GALNTL6: variants seen among roughly 807,000 people sequenced by gnomAD.
The protein encoded by GALNTL6 is polypeptide N-acetylgalactosaminyltransferase like 6.
GALNTL6 carries 46 observed loss-of-function variants against 73.7 expected under a neutral mutation model. That is an observed-to-expected ratio of 0.62 (90% CI 0.49 to 0.80). GALNTL6 has a LOEUF of 0.80. GALNTL6 is among the 30% of genes least tolerant of loss of function. The pLI, the probability that GALNTL6 is intolerant of heterozygous loss-of-function variation, is 0.00. For missense variants in GALNTL6, 604 were observed against 755.0 expected (o/e 0.80, Z 2.34); for synonymous variants, 259 against 263.7 (o/e 0.98, Z 0.17).
At chr4:172,727,200 T>C (rs1275716069) in intron 5 of GALNTL6, among the ~76,000 whole-genome samples, 1 of 152,190 alleles carries the variant, frequency 6.6e-6, no homozygotes, top group East Asian at 1.9e-4. Flanking sequence ...TGTGTGCCCA[T>C]AGAAAAACCT....
intron 2 of GALNTL6, among the ~76,000 whole-genome samples, chr4:172,131,428 T>TAC (rs35699070): frequency 1.5e-3 from 205 of 138,964 alleles, no homozygotes; most frequent in African/African-American, 5.1e-3. Flanking sequence ...TATATATATA[T>TAC]ACACACACAC....
chr4:171,945,706 A>G (rs1738681585), intron 2 of GALNTL6, among the ~76,000 whole-genome samples: 1 of 152,154 alleles, frequency 6.6e-6, no homozygotes, highest in African/African-American at 2.4e-5. Context: ...GAGCTTATAA[A>G]ACATGCATAC....
chr4:172,021,985 A>G (rs938247059), intron 2 of GALNTL6, among the ~76,000 whole-genome samples: 5 of 152,048 alleles, frequency 3.3e-5, no homozygotes, highest in Admixed American at 1.3e-4. Context: ...TGAAACTACT[A>G]AAAGAAAATA....
At chr4:171,854,297 G>GC (rs1156266677) in intron 2 of GALNTL6, among the ~76,000 whole-genome samples, 12 of 152,208 alleles carry the variant, frequency 7.9e-5, no homozygotes, top group Middle Eastern at 3.4e-3. Flanking sequence ...AATGCTAATG[G>GC]CTATGCTCTC....
chr4:171,943,680 C>G (rs1302655846), intron 2 of GALNTL6, among the ~76,000 whole-genome samples: 1 of 152,150 alleles, frequency 6.6e-6, no homozygotes, highest in Admixed American at 6.6e-5. Context: ...GGTCTTCTTG[C>G]TCTCAACCAT....
chr4:172,429,568 C>G (rs760455572), intron 5 of GALNTL6, among the ~76,000 whole-genome samples: 4 of 152,140 alleles, frequency 2.6e-5, no homozygotes, highest in Non-Finnish European at 5.9e-5. Flanking sequence ...AAAACTAGAG[C>G]ATAGCAGACA....
At chr4:172,103,012 C>T (rs1383360835) in intron 2 of GALNTL6, among the ~76,000 whole-genome samples, 1 of 152,130 alleles carries the variant, frequency 6.6e-6, no homozygotes, top group Non-Finnish European at 1.5e-5. Context: ...CTGGTCAAGG[C>T]CTAAGATAAG....
chr4:172,876,095 C>T (rs1354053014), intron 7 of GALNTL6, among the ~76,000 whole-genome samples: 1 of 152,188 alleles, frequency 6.6e-6, no homozygotes, highest in Non-Finnish European at 1.5e-5. Flanking sequence ...ATAATTGGTA[C>T]TGACATACAC....
At chr4:172,870,837 C>T (rs190000803) in intron 7 of GALNTL6, among the ~76,000 whole-genome samples, 47 of 152,280 alleles carry the variant, frequency 3.1e-4, no homozygotes, top group Non-Finnish European at 6.2e-4. Flanking sequence ...AAAGTACTTA[C>T]TCAGAAAGTG....
chr4:171,885,056 CAAAAAAAAA>C (rs1484845704), intron 2 of GALNTL6, among the ~76,000 whole-genome samples: 1 of 139,862 alleles, frequency 7.1e-6, no homozygotes, highest in Non-Finnish European at 1.5e-5. Context: ...GACTCTACCT[CAAAAAAAAA>C]GAAAAGAAAA....
At chr4:172,669,822 A>T (rs1731874104) in intron 5 of GALNTL6, among the ~76,000 whole-genome samples, 1 of 151,964 alleles carries the variant, frequency 6.6e-6, no homozygotes, top group African/African-American at 2.4e-5. Context: ...CTCCTCCCAC[A>T]CTGTACCCTC....
At chr4:172,903,835 T>G (rs951621944) in intron 8 of GALNTL6, among the ~76,000 whole-genome samples, 1 of 152,148 alleles carries the variant, frequency 6.6e-6, no homozygotes, top group African/African-American at 2.4e-5. Flanking sequence ...CCCACATCTA[T>G]TTTTTTCAAC....
intron 2 of GALNTL6, among the ~76,000 whole-genome samples, chr4:172,075,957 C>T (rs185512429): frequency 7.7e-4 from 118 of 152,272 alleles, no homozygotes; most frequent in Non-Finnish European, 1.5e-3. Flanking sequence ...TTGCATACAG[C>T]TCTTTAATGT....
At chr4:172,688,177 ACTGT>A (rs749503324) in intron 5 of GALNTL6, among the ~76,000 whole-genome samples, 21 of 150,786 alleles carry the variant, frequency 1.4e-4, no homozygotes, top group Middle Eastern at 3.4e-3. Context: ...CACATGGCAA[ACTGT>A]CTAAGGAATA....
intron 2 of GALNTL6, among the ~76,000 whole-genome samples, chr4:171,823,021 A>G (rs1734726393): frequency 6.6e-6 from 1 of 152,188 alleles, no homozygotes; most frequent in African/African-American, 2.4e-5. Flanking sequence ...CAAAGACAGA[A>G]TTTGAGTCCA....
At chr4:172,249,013 A>T (rs1737757791) in intron 3 of GALNTL6, among the ~76,000 whole-genome samples, 1 of 152,182 alleles carries the variant, frequency 6.6e-6, no homozygotes, top group Non-Finnish European at 1.5e-5. Flanking sequence ...TGCTGTAAAG[A>T]TACCTGAAAA....
At chr4:172,967,928 G>A (rs1285151190) in intron 10 of GALNTL6, among the ~76,000 whole-genome samples, 1 of 152,014 alleles carries the variant, frequency 6.6e-6, no homozygotes, top group Non-Finnish European at 1.5e-5. Flanking sequence ...TGAAAATGAT[G>A]GAATGATGCC....
chr4:172,587,138 G>GA (rs34400329), intron 5 of GALNTL6, among the ~76,000 whole-genome samples: 68,662 of 151,970 alleles, frequency 0.45, 17,543 homozygotes, highest in East Asian at 0.68. Context: ...AAATTGTGTA[G>GA]AAAAAATGTA....
chr4:172,812,673 T>A (rs1434278347), intron 6 of GALNTL6, among the ~76,000 whole-genome samples: 3 of 152,154 alleles, frequency 2.0e-5, no homozygotes, highest in African/African-American at 7.2e-5. Context: ...AAAGGTCAGG[T>A]TTAAAATTGG....
Sources: allele counts gnomAD v4.1 joint callset (sites outside exome capture counted in the v4.1 genomes callset), GRCh38; gene constraint gnomAD v4.1.1; transcripts MANE v1.5; gene names NCBI Gene and HGNC (gene_info 2026-07-23, HGNC 2026-07-21).